PCDH15: variants seen among roughly 807,000 people sequenced by gnomAD.
PCDH15 encodes protocadherin related 15.
Under a neutral mutation model 178.5 loss-of-function variants are expected in PCDH15, and 129 were observed. That is an observed-to-expected ratio of 0.72 (90% CI 0.63 to 0.84). The LOEUF is 0.84. Among genes scored for constraint, PCDH15 ranks in the 40% least tolerant of loss-of-function variants. The probability of loss-of-function intolerance (pLI) is 0.00; values close to 1 mark genes in which losing one functional copy is unlikely to be tolerated. For synonymous variants in PCDH15, 800 were observed against 732.0 expected, an observed-to-expected ratio of 1.09 and a Z score of -1.50; for missense variants, 2,230 against 2,099.9, an observed-to-expected ratio of 1.06 and a Z score of -1.21.
chr10:54,345,829 A>AAAAAC (rs1943173339), intron 6 of PCDH15, among the ~76,000 whole-genome samples: 1 of 137,120 alleles, frequency 7.3e-6, no homozygotes, highest in Non-Finnish European at 1.6e-5. Context: ...AAAAAAAAAA[A>AAAAAC]AAAAAGAAAT....
At chr10:54,981,509 C>T (rs1192731207) in intron 2 of PCDH15, among the ~76,000 whole-genome samples, 2 of 152,056 alleles carry the variant, frequency 1.3e-5, no homozygotes, top group African/African-American at 2.4e-5. Context: ...TGCCAAAACA[C>T]GACTGATGAA....
At chr10:55,073,469 G>A (rs1480745243) in intron 2 of PCDH15, among the ~76,000 whole-genome samples, 1 of 152,080 alleles carries the variant, frequency 6.6e-6, no homozygotes, top group African/African-American at 2.4e-5. Context: ...GACAAACAGA[G>A]AGCCAAATCA....
At chr10:54,516,267 A>G (rs577557960) in intron 3 of PCDH15, among the ~76,000 whole-genome samples, 2 of 151,964 alleles carry the variant, frequency 1.3e-5, no homozygotes, top group East Asian at 3.9e-4. Flanking sequence ...GCTGAGCTAC[A>G]GGAGGAAATT....
rs576165624 is a variant in PCDH15 at position 55,241,670 on chromosome 10, G to T, written c.-155-75019C>A. On this transcript the variant is annotated intron_variant, in intron 1 of 5. Coordinates refer to the PCDH15 transcript ENST00000458638. ...ACTCCAGGGCTCAAGCAATCCTCCT[G>T]CCTTGGCCTCCCAAAGTTCTGGGAT... is the stretch of plus-strand genomic sequence containing the variant. Among the ~76,000 whole-genome samples, 10 of 152,210 alleles carry T rather than the reference G, an allele frequency of 6.6e-5. No homozygotes were observed. In the South Asian group the frequency reaches 1.0e-3, roughly 16 times the overall value.
intron 9 of PCDH15, among the ~76,000 whole-genome samples, chr10:54,217,481 T>C (rs1053493435): frequency 6.6e-6 from 1 of 152,172 alleles, no homozygotes; most frequent in Admixed American, 6.5e-5. Context: ...TTATTATGTG[T>C]CATTCTGATT....
chr10:54,426,739 C>T (rs1813902), intron 3 of PCDH15, among the ~76,000 whole-genome samples: 27,567 of 152,000 alleles, frequency 0.18, 2,847 homozygotes, highest in African/African-American at 0.28. Context: ...TACTGTCTTA[C>T]ATCATACCTC....
intron 2 of PCDH15, among the ~76,000 whole-genome samples, chr10:55,334,554 G>C (rs1235776617): frequency 1.3e-5 from 2 of 151,756 alleles, no homozygotes; most frequent in Non-Finnish European, 2.9e-5. Flanking sequence ...TCATCCGCCT[G>C]CCTCAGCTTC....
At chr10:54,742,289 G>A (rs539433149) in intron 1 of PCDH15, among the ~76,000 whole-genome samples, 5 of 151,260 alleles carry the variant, frequency 3.3e-5, no homozygotes, top group African/African-American at 7.2e-5. Flanking sequence ...TAAATATTTA[G>A]TCTCACTTAT....
At chr10:55,360,261 T>C (rs1845196306) in intron 2 of PCDH15, among the ~76,000 whole-genome samples, 2 of 151,952 alleles carry the variant, frequency 1.3e-5, no homozygotes, top group Admixed American at 6.6e-5. Context: ...ATATAAAAAT[T>C]GTGTGTATAT....
At chr10:54,709,591 T>C (rs2095406901) in intron 1 of PCDH15, among the ~76,000 whole-genome samples, 2 of 116,550 alleles carry the variant, frequency 1.7e-5, no homozygotes, top group African/African-American at 7.2e-5. Flanking sequence ...TTACAAATAA[T>C]TCATATATAT....
intron 2 of PCDH15, among the ~76,000 whole-genome samples, chr10:55,382,305 C>CA (rs1456597654): frequency 6.6e-6 from 1 of 152,022 alleles, no homozygotes; most frequent in East Asian, 1.9e-4. Flanking sequence ...TGCATGGAAA[C>CA]AAAAATTAAG....
At chr10:55,513,731 A>G (rs1840944449) in intron 2 of PCDH15, among the ~76,000 whole-genome samples, 2 of 152,052 alleles carry the variant, frequency 1.3e-5, no homozygotes, top group Admixed American at 1.3e-4. Flanking sequence ...GTATTTTCTG[A>G]GTATCCTTTT....
Position 54,146,729 on chromosome 10 carries a change from C to T in PCDH15, c.1784+6371G>A, listed in dbSNP as rs141696659. ...GACTTATTTTCAGTCAATATTACTA[C>T]ATTTATGGATGAAAGCTGTCAATTT... On this transcript the variant is annotated intron_variant, in intron 14 of 37. Transcript: ENST00000644397. Among the ~76,000 whole-genome samples, 597 of 151,024 alleles carry T rather than the reference C, an allele frequency of 4.0e-3. 1 individual carries two copies. The highest frequency in any genetic ancestry group is 6.6e-3 in the Non-Finnish European group (443 of 67,596).
At chr10:54,079,791 T>C (rs2094407198) in intron 16 of PCDH15, among the ~76,000 whole-genome samples, 2 of 152,202 alleles carry the variant, frequency 1.3e-5, no homozygotes, top group South Asian at 4.1e-4. Flanking sequence ...AAACAAGGAA[T>C]GGTTTCCTAT....
intron 2 of PCDH15, among the ~76,000 whole-genome samples, chr10:55,377,159 A>AG (rs1565074782): frequency 6.6e-6 from 1 of 151,184 alleles, no homozygotes; most frequent in African/African-American, 2.4e-5. Context: ...AAAAAAAAAA[A>AG]AAAAGAAAAG....
At chr10:53,972,904 C>T (rs1041581536) in intron 21 of PCDH15, among the ~76,000 whole-genome samples, 2 of 152,056 alleles carry the variant, frequency 1.3e-5, no homozygotes, top group African/African-American at 4.8e-5. Flanking sequence ...GGATCTAGAA[C>T]TAGAAATACC....
chr10:53,892,753 A>G (rs1410805758), intron 26 of PCDH15, among the ~76,000 whole-genome samples: 1 of 152,186 alleles, frequency 6.6e-6, no homozygotes, highest in African/African-American at 2.4e-5. Context: ...TTGAAACGGA[A>G]TATCAAGTTT....
chr10:54,641,577 AAAC>A lies in PCDH15; in HGVS notation c.91+22592_91+22594del, dbSNP rs544937540. ...AAATCATACACAGGTACACATATGC[AAAC>A]ACCACACACACACACACACACACAC... On this transcript the variant is annotated intron_variant, in intron 2 of 37. Coordinates refer to ENST00000644397, the MANE Select transcript of PCDH15 (RefSeq NM_001384140.1). Among the ~76,000 whole-genome samples the A allele has an allele frequency of 5.7e-4, 81 of 141,714 alleles. 1 individual carries two copies. The highest frequency in any genetic ancestry group is 1.7e-3 in the Admixed American group (25 of 14,444). The allele number at this position is 141,714 out of a possible 152,430, so 93.0% of individuals were successfully genotyped here.
chr10:54,688,030 C>A (rs2095046576), intron 1 of PCDH15, among the ~76,000 whole-genome samples: 1 of 151,918 alleles, frequency 6.6e-6, no homozygotes, highest in Non-Finnish European at 1.5e-5. Flanking sequence ...TCACGTTAAG[C>A]ATTCTAACCA....
Sources: allele counts gnomAD v4.1 joint callset (sites outside exome capture counted in the v4.1 genomes callset), GRCh38; gene constraint gnomAD v4.1.1; transcripts MANE v1.5; gene names NCBI Gene and HGNC (gene_info 2026-07-23, HGNC 2026-07-21).